The following DOCK4 variants were observed in gnomAD, a reference collection of about 807,000 sequenced individuals.
DOCK4 encodes the protein dedicator of cytokinesis 4, also known as dedicator of cytokinesis protein 4.
DOCK4 carries 97 observed loss-of-function variants against 268.1 expected under a neutral mutation model. The observed-to-expected ratio is 0.36, with a 90% CI of 0.31 to 0.43. The LOEUF is 0.43. DOCK4 is among the 20% of genes least tolerant of loss of function. The pLI is 1.00. For missense variants in DOCK4, 2,145 were observed against 2,455.7 expected, an observed-to-expected ratio of 0.87 and a Z score of 2.67; for synonymous variants, 954 against 887.2, an observed-to-expected ratio of 1.08 and a Z score of -1.34.
intron 32 of DOCK4, among the ~76,000 whole-genome samples, chr7:111,785,093 T>C (rs1799072627): frequency 6.6e-6 from 1 of 152,166 alleles, no homozygotes; most frequent in South Asian, 2.1e-4. Context: ...GTGCCCAGCC[T>C]TCTGTCTTGT....
At chr7:111,921,064 T>C (rs955542777) in intron 12 of DOCK4, among the ~76,000 whole-genome samples, 2 of 152,190 alleles carry the variant, frequency 1.3e-5, no homozygotes, top group African/African-American at 2.4e-5. Flanking sequence ...ATATTTTAAG[T>C]CACTTTTCTT....
At chr7:112,056,287 C>T (rs1805809993) in intron 1 of DOCK4, among the ~76,000 whole-genome samples, 2 of 151,992 alleles carry the variant, frequency 1.3e-5, no homozygotes, top group South Asian at 2.1e-4. Context: ...AGAGTTAGGT[C>T]CACAAGAAGA....
intron 1 of DOCK4, among the ~76,000 whole-genome samples, chr7:112,113,579 T>C (rs1205916292): frequency 6.6e-6 from 1 of 151,858 alleles, no homozygotes; most frequent in East Asian, 1.9e-4. Context: ...AAAATATGTA[T>C]GTATATATTT....
At chr7:111,829,664 TG>T (rs1802666498) in intron 26 of DOCK4, among the ~76,000 whole-genome samples, 1 of 152,184 alleles carries the variant, frequency 6.6e-6, no homozygotes, top group Non-Finnish European at 1.5e-5. Context: ...AAGAAAATAA[TG>T]GGGGCCTACT....
intron 1 of DOCK4, among the ~76,000 whole-genome samples, chr7:112,136,665 G>T (rs1814380409): frequency 6.6e-6 from 1 of 152,136 alleles, no homozygotes; most frequent in Non-Finnish European, 1.5e-5. Context: ...AACACACTAG[G>T]ATTCAGGAAG....
At chr7:112,101,845 CT>C (rs72188849) in intron 1 of DOCK4, among the ~76,000 whole-genome samples, 243 of 146,288 alleles carry the variant, frequency 1.7e-3, no homozygotes, top group Middle Eastern at 3.5e-3. Flanking sequence ...TTTTCTTTTT[CT>C]TTTTTTTTTT....
At chr7:111,920,795 CAGAA>C (rs1793053579) in intron 12 of DOCK4, among the ~76,000 whole-genome samples, 1 of 151,438 alleles carries the variant, frequency 6.6e-6, no homozygotes, top group South Asian at 2.1e-4. Flanking sequence ...CAGAGAGAGA[CAGAA>C]AGAGAGAGAA....
intron 1 of DOCK4, among the ~76,000 whole-genome samples, chr7:112,109,906 G>A (rs1037529267): frequency 2.0e-5 from 3 of 149,272 alleles, no homozygotes; most frequent in South Asian, 2.1e-4. Context: ...CATCACGCCC[G>A]GCTAATTTTT....
At chr7:112,042,953 GC>G (rs1287759432) in intron 1 of DOCK4, among the ~76,000 whole-genome samples, 1 of 152,072 alleles carries the variant, frequency 6.6e-6, no homozygotes, top group African/African-American at 2.4e-5. Flanking sequence ...CTTTTGCACC[GC>G]CCCGCCCGCA....
intron 8 of DOCK4, among the ~76,000 whole-genome samples, chr7:111,957,985 GAGCACAGTTCTTATT>G (rs1796570584): frequency 6.6e-6 from 1 of 152,138 alleles, no homozygotes; most frequent in African/African-American, 2.4e-5. Context: ...ACAGGGCTGA[GAGCACAGTTCTTATT>G]AGCACAGTGT....
intron 15 of DOCK4, among the ~76,000 whole-genome samples, chr7:111,896,615 G>C (rs1415741547): frequency 6.6e-6 from 1 of 151,902 alleles, no homozygotes; most frequent in Non-Finnish European, 1.5e-5. Flanking sequence ...TTAAGGGCTG[G>C]ATGGTTACTC....
chr7:111,758,584 C>G (rs761855481), intron 41 of DOCK4, 40 bp downstream of exon 41: 3 of 1,607,584 alleles, frequency 1.9e-6, no homozygotes, highest in Admixed American at 3.4e-5. Flanking sequence ...GGCTCGCAGT[C>G]TATCTGAGGA....
At chr7:112,040,085 C>T (rs779772479) in intron 1 of DOCK4, among the ~76,000 whole-genome samples, 1 of 152,114 alleles carries the variant, frequency 6.6e-6, no homozygotes, top group Non-Finnish European at 1.5e-5. Context: ...TATACTGACC[C>T]AATTTTAAGT....
intron 41 of DOCK4, among the ~76,000 whole-genome samples, 198 bp downstream of exon 41, chr7:111,758,426 G>T (rs1169299277): frequency 6.6e-6 from 1 of 152,168 alleles, no homozygotes; most frequent in African/African-American, 2.4e-5. Flanking sequence ...CTGGGCACCA[G>T]AAATCTGCTT....
intron 1 of DOCK4, among the ~76,000 whole-genome samples, chr7:112,076,680 T>C (rs7802825): frequency 0.47 from 71,142 of 151,978 alleles, 17,415 homozygotes; most frequent in African/African-American, 0.62. Flanking sequence ...CTAAATTCCA[T>C]ATAAAGTGTG....
At chr7:111,785,648 T>C (rs978416341) in intron 32 of DOCK4, among the ~76,000 whole-genome samples, 2 of 152,216 alleles carry the variant, frequency 1.3e-5, no homozygotes, top group African/African-American at 4.8e-5. Context: ...CTTGGGAATC[T>C]TGCCATTTCC....
At chr7:111,806,317 T>C (rs1265615153) in intron 30 of DOCK4, among the ~76,000 whole-genome samples, 1 of 152,244 alleles carries the variant, frequency 6.6e-6, no homozygotes, top group Non-Finnish European at 1.5e-5. Context: ...TACTTAATTA[T>C]TCTTCTCCTC....
At chr7:111,928,570 C>T (rs1793921480) in intron 12 of DOCK4, among the ~76,000 whole-genome samples, 1 of 150,104 alleles carries the variant, frequency 6.7e-6, no homozygotes, top group African/African-American at 2.5e-5. Context: ...TGCAAAATAG[C>T]CTGGATTTTC....
intron 34 of DOCK4, among the ~76,000 whole-genome samples, chr7:111,783,265 A>G (rs891880723): frequency 2.0e-5 from 3 of 152,206 alleles, no homozygotes; most frequent in African/African-American, 7.2e-5. Context: ...TTCCTACAGT[A>G]GGGTGAGAAG....
Sources: allele counts gnomAD v4.1 joint callset (sites outside exome capture counted in the v4.1 genomes callset), GRCh38; gene constraint gnomAD v4.1.1; transcripts MANE v1.5; gene names NCBI Gene and HGNC (gene_info 2026-07-23, HGNC 2026-07-21).